Variants in MLPH observed in about 807,000 individuals in gnomAD.
MLPH encodes exophilin-3.
In MLPH, 51 loss-of-function variants were observed where a neutral mutation model predicts 72.1. The observed-to-expected ratio is 0.71, with a 90% CI of 0.56 to 0.89. MLPH has a LOEUF of 0.89. MLPH is among the 40% of genes least tolerant of loss of function. The pLI, the probability that MLPH is intolerant of heterozygous loss-of-function variation, is 0.00. For missense variants in MLPH, 743 were observed against 759.9 expected (o/e 0.98, Z 0.26); for synonymous variants, 301 against 310.1 (o/e 0.97, Z 0.31).
chr2:237,513,529 G>A (rs1177678053), intron 4 of MLPH, among the ~76,000 whole-genome samples: 3 of 152,142 alleles, frequency 2.0e-5, no homozygotes, highest in Admixed American at 1.3e-4. Flanking sequence ...TTCCATGTCA[G>A]GAACAAGGAA....
chr2:237,527,163 A>G (rs978624386), intron 7 of MLPH, among the ~76,000 whole-genome samples: 11 of 152,262 alleles, frequency 7.2e-5, no homozygotes, highest in African/African-American at 2.4e-4. Flanking sequence ...CCCACCCACA[A>G]TGCCAGGCAA....
chr2:237,524,248 G>A (rs142212099), intron 6 of MLPH, among the ~76,000 whole-genome samples: 2 of 149,258 alleles, frequency 1.3e-5, no homozygotes, highest in African/African-American at 5.1e-5. Flanking sequence ...CCGCCCTACA[G>A]GATCATTTCA....
At chr2:237,502,690 A>C (rs10182457) in intron 2 of MLPH, among the ~76,000 whole-genome samples, 11,582 of 152,214 alleles carry the variant, frequency 0.076, 1,384 homozygotes, top group African/African-American at 0.26. Context: ...AAATATTAGG[A>C]CTGCCAACCT....
chr2:237,502,884 C>T (rs752314947), intron 2 of MLPH, among the ~76,000 whole-genome samples: 2 of 152,048 alleles, frequency 1.3e-5, no homozygotes, highest in African/African-American at 2.4e-5. Flanking sequence ...TTTGGGAGGC[C>T]GAGGCAGGTG....
intron 2 of MLPH, among the ~76,000 whole-genome samples, chr2:237,497,652 G>T (rs1194436512): frequency 8.5e-5 from 13 of 152,214 alleles, no homozygotes; most frequent in Non-Finnish European, 1.5e-4. Context: ...GTTCTGCAGA[G>T]GAGCTGGCGA....
intron 2 of MLPH, among the ~76,000 whole-genome samples, chr2:237,495,009 G>A (rs551754523): frequency 9.9e-5 from 15 of 152,262 alleles, no homozygotes; most frequent in Non-Finnish European, 1.8e-4. Flanking sequence ...CTGGAGGGAG[G>A]ACCCATCTCT....
chr2:237,549,829 T>C (rs2080997013), intron 14 of MLPH, among the ~76,000 whole-genome samples: 2 of 152,174 alleles, frequency 1.3e-5, no homozygotes, highest in South Asian at 4.1e-4. Context: ...CCAGACATTG[T>C]TGGACTGATC....
chr2:237,504,871 C>T (rs956559235), intron 2 of MLPH, among the ~76,000 whole-genome samples: 2 of 152,188 alleles, frequency 1.3e-5, no homozygotes, highest in Non-Finnish European at 1.5e-5. Flanking sequence ...AAACTTCACC[C>T]AACCAAGCCG....
chr2:237,541,827 A>T lies in MLPH; in HGVS notation c.1447-740A>T, dbSNP rs115235794. Among the ~76,000 whole-genome samples the T allele has an allele frequency of 6.6e-6, 1 of 152,232 alleles. No individual in the cohort carries two copies. Among genetic ancestry groups the T allele is most frequent in the Non-Finnish European group, 1.5e-5 (1 of 68,048 alleles). ...GGTTCATGAAAAGTGTGATTAAGAC[A>T]ATCAGTGAAGGTGAGCCCCTAGAGT... On this transcript the variant is annotated intron_variant, in intron 11 of 15. Coordinates refer to ENST00000264605, the MANE Select transcript of MLPH (RefSeq NM_024101.7). The surrounding 1 kb of genome is among the most constrained non-coding windows in gnomAD (Gnocchi z 5.1).
At chr2:237,501,252 G>A (rs1167311627) in intron 2 of MLPH, among the ~76,000 whole-genome samples, 2 of 152,052 alleles carry the variant, frequency 1.3e-5, no homozygotes, top group African/African-American at 4.8e-5. Context: ...CAGCTCTCTG[G>A]GCTCACATTG....
chr2:237,514,638 G>A (rs2079975856), intron 4 of MLPH, among the ~76,000 whole-genome samples: 2 of 152,188 alleles, frequency 1.3e-5, no homozygotes, highest in Non-Finnish European at 2.9e-5. Flanking sequence ...CTCATTTGGG[G>A]CATTGTTTTC....
At chr2:237,528,582 C>A (rs2080354202) in intron 8 of MLPH, among the ~76,000 whole-genome samples, 1 of 152,104 alleles carries the variant, frequency 6.6e-6, no homozygotes, top group Non-Finnish European at 1.5e-5. Flanking sequence ...AACTCCAGGC[C>A]TCAGGTGATC....
At chr2:237,552,477 C>T in intron 15 of MLPH, 40 bp downstream of exon 15, 1 of 1,518,108 alleles carries the variant, frequency 6.6e-7, no homozygotes, top group Non-Finnish European at 9.1e-7. Context: ...TTTTAAAGTT[C>T]AGTGACCCGT....
intron 7 of MLPH, among the ~76,000 whole-genome samples, chr2:237,526,713 C>A (rs1435184579): frequency 2.0e-5 from 3 of 152,188 alleles, no homozygotes; most frequent in African/African-American, 7.2e-5. Flanking sequence ...CTCTGCCAGT[C>A]TGTTTCACTG....
intron 6 of MLPH, among the ~76,000 whole-genome samples, chr2:237,521,459 A>G (rs1017541386): frequency 3.9e-5 from 6 of 152,128 alleles, no homozygotes; most frequent in African/African-American, 7.2e-5. Context: ...TGGATGATGG[A>G]CCCTGAACCT....
intron 2 of MLPH, among the ~76,000 whole-genome samples, chr2:237,501,663 C>CA (rs1559337749): frequency 2.0e-5 from 2 of 101,666 alleles, no homozygotes. Context: ...CACGTCTCTA[C>CA]TAAAAAAAAA....
rs145499212 is a variant in MLPH at position 237,549,187 on chromosome 2, TTGA to T, written c.1618-30_1618-28del. 5.5e-3 allele frequency: 8,800 copies of T among 1,607,006 alleles called. 274 individuals are homozygous for T. In the East Asian group the frequency reaches 0.1, roughly 19 times the overall value. On this transcript the variant is annotated intron_variant, in intron 13 of 15. Coordinates refer to ENST00000264605, the MANE Select transcript of MLPH (RefSeq NM_024101.7). ...GTTGACAATTCCTAAACGTCACAAC[TTGA>T]TGAAGCCTGGAGACACTCTGTTTCT...
At chr2:237,489,816 A>G (rs1486459883) in intron 1 of MLPH, among the ~76,000 whole-genome samples, 1 of 152,066 alleles carries the variant, frequency 6.6e-6, no homozygotes, top group Admixed American at 6.5e-5. Flanking sequence ...TTTCCCTTCA[A>G]TTTGGCCAAA....
At chr2:237,521,440 T>C (rs2080179778) in intron 6 of MLPH, among the ~76,000 whole-genome samples, 1 of 152,130 alleles carries the variant, frequency 6.6e-6, no homozygotes, top group Non-Finnish European at 1.5e-5. Context: ...TCATCCATCA[T>C]TGATGTTATG....
Sources: gnomAD v4.1 joint callset for allele counts (sites outside exome capture counted in the v4.1 genomes callset) on GRCh38, gnomAD v4.1.1 for gene constraint, Gnocchi (gnomAD v3.1) non-coding constraint, MANE v1.5 for transcripts, NCBI Gene and HGNC (gene_info 2026-07-23, HGNC 2026-07-21) for gene names.